The following TENM3 variants were observed in gnomAD, a reference collection of about 807,000 sequenced individuals.
TENM3 encodes teneurin-3.
Under a neutral mutation model 255.1 loss-of-function variants are expected in TENM3, and 63 were observed. That is an observed-to-expected ratio of 0.25 (90% CI 0.20 to 0.30). The LOEUF is 0.30. TENM3 is among the 10% of genes least tolerant of loss of function. TENM3 has a pLI of 1.00. For missense variants in TENM3, 2,929 were observed against 3,461.1 expected, an observed-to-expected ratio of 0.85 and a Z score of 3.86; for synonymous variants, 1,306 against 1,322.3, an observed-to-expected ratio of 0.99 and a Z score of 0.27.
chr4:181,694,583 A>C, the TENM3 span, among the ~76,000 whole-genome samples: 2 of 152,190 alleles, frequency 1.3e-5, no homozygotes, highest in East Asian at 3.9e-4. Context: ...GCTTTCAGTT[A>C]AAATAGTTAT....
chr4:181,650,262 T>G, the TENM3 span, among the ~76,000 whole-genome samples: 2 of 152,196 alleles, frequency 1.3e-5, no homozygotes, highest in Non-Finnish European at 2.9e-5. Context: ...GTAATCCTAC[T>G]CACTAGAATT....
rs1287649233 is a variant in TENM3, at chr4:182,230,822, A to G, written c.-76+86068A>G. On this transcript the variant is annotated intron_variant, in intron 1 of 2. Coordinates refer to the TENM3 transcript ENST00000512480. ...ATACAGTTTCTCAAACTATATATAT[A>G]TATATATATATATATATATATATAT... Among the ~76,000 whole-genome samples, 213 of 79,702 alleles carry G rather than the reference A, an allele frequency of 2.7e-3. 1 individual carries two copies. Among genetic ancestry groups the G allele is most frequent in the South Asian group, 4.1e-3 (10 of 2,456 alleles). The allele number at this position is 79,702 out of a possible 152,430, so 52.3% of individuals were successfully genotyped here. A position where few individuals can be genotyped will look rare whatever the true frequency, so the allele number is the denominator to read the frequency against.
At chr4:181,726,657 C>CAGAA in the TENM3 span, among the ~76,000 whole-genome samples, 19 of 152,164 alleles carry the variant, frequency 1.2e-4, no homozygotes, top group African/African-American at 4.3e-4. Flanking sequence ...TTCTCCCCAC[C>CAGAA]AGCAAGCAAG....
chr4:182,173,122 C>T (rs956957201), intron 1 of TENM3, among the ~76,000 whole-genome samples: 1 of 152,190 alleles, frequency 6.6e-6, no homozygotes, highest in Non-Finnish European at 1.5e-5. Flanking sequence ...TTTTATGTTT[C>T]TGTCAAATGG....
the TENM3 span, among the ~76,000 whole-genome samples, chr4:181,951,024 A>C: frequency 6.6e-6 from 1 of 152,206 alleles, no homozygotes; most frequent in East Asian, 1.9e-4. Context: ...CCTGGGCAAC[A>C]GAGCAAGATC....
chr4:181,483,194 TAAATTG>T, the TENM3 span, among the ~76,000 whole-genome samples: 5 of 152,170 alleles, frequency 3.3e-5, no homozygotes, highest in Non-Finnish European at 7.4e-5. Flanking sequence ...AGTTTCAGAC[TAAATTG>T]TCCAGAACCT....
chr4:182,721,479 A>G (rs1009800413), intron 13 of TENM3, among the ~76,000 whole-genome samples: 4 of 152,092 alleles, frequency 2.6e-5, no homozygotes, highest in African/African-American at 7.2e-5. Context: ...ACTGACGATA[A>G]TTTAATTGTT....
chr4:182,006,417 C>T, the TENM3 span, among the ~76,000 whole-genome samples: 1 of 152,082 alleles, frequency 6.6e-6, no homozygotes, highest in Non-Finnish European at 1.5e-5. Context: ...TGTTATTGGC[C>T]TCTTCAGAGA....
At chr4:182,497,724 C>G (rs1241746319) in intron 3 of TENM3, among the ~76,000 whole-genome samples, 2 of 151,752 alleles carry the variant, frequency 1.3e-5, no homozygotes, top group Admixed American at 1.3e-4. Context: ...CATATCAGTC[C>G]ATTAGCTGTC....
the TENM3 span, among the ~76,000 whole-genome samples, chr4:181,801,651 AAT>A: frequency 0.017 from 1,374 of 80,174 alleles, 6 homozygotes; most frequent in Admixed American, 0.035. Context: ...AGAATTGTAA[AAT>A]ATATATATAT....
At chr4:181,722,342 C>T in the TENM3 span, among the ~76,000 whole-genome samples, 1 of 152,146 alleles carries the variant, frequency 6.6e-6, no homozygotes, top group Non-Finnish European at 1.5e-5. Context: ...TGCATGAAGA[C>T]TTAAGAATAT....
At chr4:182,119,292 G>T in the TENM3 span, among the ~76,000 whole-genome samples, 2 of 152,170 alleles carry the variant, frequency 1.3e-5, no homozygotes, top group Non-Finnish European at 2.9e-5. Context: ...GCCGAAGCAC[G>T]AAGAAATATT....
chr4:182,249,504 A>G (rs757809383), intron 1 of TENM3, among the ~76,000 whole-genome samples: 26 of 152,356 alleles, frequency 1.7e-4, no homozygotes, highest in Non-Finnish European at 3.1e-4. Flanking sequence ...GCAGGAAAAC[A>G]CAATGGTGGA....
the TENM3 span, among the ~76,000 whole-genome samples, chr4:181,560,550 T>C: frequency 6.6e-6 from 1 of 152,140 alleles, no homozygotes; most frequent in Non-Finnish European, 1.5e-5. Flanking sequence ...GGAGACATGC[T>C]CTCCATATTC....
the TENM3 span, among the ~76,000 whole-genome samples, chr4:181,989,103 T>A: frequency 6.6e-6 from 1 of 152,178 alleles, no homozygotes. Flanking sequence ...AGTGGTGTTT[T>A]AATTACTATG....
the TENM3 span, among the ~76,000 whole-genome samples, chr4:182,065,996 T>C: frequency 1.3e-5 from 2 of 152,240 alleles, no homozygotes; most frequent in African/African-American, 4.8e-5. Context: ...ACCTGTTTTC[T>C]GTTTCGGGGA....
At chr4:182,488,690 T>C (rs891814908) in intron 3 of TENM3, among the ~76,000 whole-genome samples, 4 of 152,150 alleles carry the variant, frequency 2.6e-5, no homozygotes, top group African/African-American at 7.2e-5. Flanking sequence ...ACTGAAAGCC[T>C]AATGTCATCG....
At chr4:182,055,174 C>T in the TENM3 span, among the ~76,000 whole-genome samples, 25 of 152,072 alleles carry the variant, frequency 1.6e-4, no homozygotes, top group Non-Finnish European at 3.1e-4. Flanking sequence ...TGGTGAGATC[C>T]CATCCCTACA....
chr4:182,672,199 T>G (rs1755277759), intron 6 of TENM3, among the ~76,000 whole-genome samples: 1 of 152,212 alleles, frequency 6.6e-6, no homozygotes, highest in Admixed American at 6.5e-5. Flanking sequence ...GTCTTGGATC[T>G]GTTTTCTAGA....
Sources: allele counts gnomAD v4.1 joint callset (sites outside exome capture counted in the v4.1 genomes callset), GRCh38; gene constraint gnomAD v4.1.1; transcripts MANE v1.5; gene names NCBI Gene and HGNC (gene_info 2026-07-23, HGNC 2026-07-21).